ZFHX3: variants seen among roughly 807,000 people sequenced by gnomAD.
ZFHX3 encodes the protein zinc finger homeobox protein 3.
In ZFHX3, 42 loss-of-function variants were observed where a neutral mutation model predicts 279.1. The observed-to-expected ratio is 0.15, with a 90% CI of 0.12 to 0.19. ZFHX3 has a LOEUF of 0.19. ZFHX3 is among the 10% of genes least tolerant of loss of function. ZFHX3 has a pLI of 1.00. For synonymous variants in ZFHX3, 2,293 were observed against 1,957.8 expected (o/e 1.17, Z -4.52); for missense variants, 4,981 against 4,754.0 (o/e 1.05, Z -1.40).
intron 7 of ZFHX3, among the ~76,000 whole-genome samples, chr16:73,105,380 T>TACACACACACAC (rs1966285934): frequency 4.5e-5 from 2 of 44,076 alleles, no homozygotes; most frequent in East Asian, 6.4e-4. Context: ...CATATATATA[T>TACACACACACAC]ATACACACAC....
chr16:73,453,255 T>C (rs1328796573), intron 3 of ZFHX3, among the ~76,000 whole-genome samples: 1 of 152,212 alleles, frequency 6.6e-6, no homozygotes, highest in Non-Finnish European at 1.5e-5. Context: ...TGTAACTAGT[T>C]GATTCCCCAT....
At chr16:73,813,975 TCTC>T (rs1399453280) in intron 1 of ZFHX3, 2 of 152,232 alleles carry the variant, frequency 1.3e-5, no homozygotes, top group African/African-American at 4.8e-5. Context: ...TTTCTTTCAA[TCTC>T]CTGTTATTGG....
Position 73,221,715 on chromosome 16 carries a change from G to A in ZFHX3, c.-1104+35332C>T, listed in dbSNP as rs142466915. ...GAAAGTAAGGTCTGTAGTTTTTCTC[G>A]CCTTCTCAAAGGGATCATGTCCTAA... On this transcript the variant is annotated intron_variant, in intron 5 of 17. Coordinates refer to the ZFHX3 transcript ENST00000641206. Among the ~76,000 whole-genome samples the A allele has an allele frequency of 2.0e-3, 310 of 152,006 alleles. 2 individuals carry two copies. The highest frequency in any genetic ancestry group is 6.8e-3 in the Middle Eastern group (2 of 294).
At chr16:73,832,520 C>T (rs1008834411) in intron 1 of ZFHX3, among the ~76,000 whole-genome samples, 15 of 152,106 alleles carry the variant, frequency 9.9e-5, no homozygotes, top group African/African-American at 3.6e-4. Flanking sequence ...TTATTTTAAG[C>T]AAGATAGGCC....
intron 3 of ZFHX3, among the ~76,000 whole-genome samples, chr16:73,406,818 G>C (rs565306699): frequency 1.3e-5 from 2 of 152,200 alleles, no homozygotes; most frequent in Non-Finnish European, 2.9e-5. Flanking sequence ...AGAACAGAAA[G>C]AAAGAGTTGG....
At chr16:73,203,384 A>G (rs1303498218) in intron 5 of ZFHX3, among the ~76,000 whole-genome samples, 1 of 152,204 alleles carries the variant, frequency 6.6e-6, no homozygotes, top group Non-Finnish European at 1.5e-5. Flanking sequence ...ACATACAGAC[A>G]TTATTTTTTA....
At chr16:73,499,620 G>A (rs1393189369) in intron 2 of ZFHX3, 6 of 152,178 alleles carry the variant, frequency 3.9e-5, no homozygotes, top group Admixed American at 3.9e-4. Context: ...GCAAATTTGA[G>A]AAAACCCAAC....
At chr16:73,864,495 G>C (rs1453748327) in intron 1 of ZFHX3, among the ~76,000 whole-genome samples, 14 of 152,198 alleles carry the variant, frequency 9.2e-5, no homozygotes, top group Non-Finnish European at 1.8e-4. Flanking sequence ...GAGGGAGGAG[G>C]ATCACTTGAG....
At chr16:73,343,402 T>C (rs969342404) in intron 3 of ZFHX3, among the ~76,000 whole-genome samples, 12 of 152,132 alleles carry the variant, frequency 7.9e-5, no homozygotes, top group African/African-American at 1.4e-4. Flanking sequence ...CCTGAACATC[T>C]TGCTCCATAA....
chr16:72,956,355 A>C (rs1961249199), intron 2 of ZFHX3, among the ~76,000 whole-genome samples: 1 of 152,190 alleles, frequency 6.6e-6, no homozygotes, highest in Admixed American at 6.5e-5. Context: ...GGTCCCACGA[A>C]GTCCATTAGC....
rs549297445 is a variant in ZFHX3, at chr16:73,508,396, CT to C, written c.-1546-52139del. Among the ~76,000 whole-genome samples, 1,064 of 152,240 alleles carry C rather than the reference CT, an allele frequency of 7.0e-3. 23 individuals carry two copies. Among genetic ancestry groups the C allele is most frequent in the African/African-American group, 0.025 (1,021 of 41,524 alleles). On this transcript the variant is annotated intron_variant, in intron 2 of 17. Coordinates refer to the ZFHX3 transcript ENST00000641206. ...GAGGAGGAGGAGGAAATGCTTATTT[CT>C]GGAGCAGCAATAAGCATGTTCCAGA...
chr16:72,865,847 GC>G (rs1290403516), intron 4 of ZFHX3, among the ~76,000 whole-genome samples: 1 of 152,152 alleles, frequency 6.6e-6, no homozygotes, highest in Non-Finnish European at 1.5e-5. Flanking sequence ...CGCCACTCAT[GC>G]TCCTTTGAGG....
At chr16:73,596,636 T>A (rs1214850744) in intron 2 of ZFHX3, among the ~76,000 whole-genome samples, 2 of 152,172 alleles carry the variant, frequency 1.3e-5, no homozygotes, top group Non-Finnish European at 2.9e-5. Flanking sequence ...ATTACTCTTT[T>A]CAAAAAGCTT....
intron 4 of ZFHX3, among the ~76,000 whole-genome samples, chr16:73,260,194 T>C (rs1463219127): frequency 6.6e-6 from 1 of 152,196 alleles, no homozygotes; most frequent in Non-Finnish European, 1.5e-5. Flanking sequence ...AGATTCAGGG[T>C]ATGCATTTTT....
At chr16:73,537,876 A>G (rs1195551933) in intron 2 of ZFHX3, among the ~76,000 whole-genome samples, 1 of 152,250 alleles carries the variant, frequency 6.6e-6, no homozygotes, top group Admixed American at 6.5e-5. Context: ...TGGACTATCA[A>G]GCCACAAAGT....
intron 1 of ZFHX3, among the ~76,000 whole-genome samples, chr16:73,813,291 C>A (rs1232655843): frequency 6.6e-6 from 1 of 151,642 alleles, no homozygotes; most frequent in East Asian, 1.9e-4. Flanking sequence ...ACAAAATGCA[C>A]TAATAAGCGA....
intron 5 of ZFHX3, among the ~76,000 whole-genome samples, chr16:73,230,104 T>G (rs1432899322): frequency 6.6e-6 from 1 of 152,182 alleles, no homozygotes; most frequent in Non-Finnish European, 1.5e-5. Flanking sequence ...AATACATGGT[T>G]AGTAAATGAG....
intron 2 of ZFHX3, chr16:73,609,365 T>TTGACCC (rs1201343728): frequency 6.6e-6 from 1 of 152,134 alleles, no homozygotes. Flanking sequence ...ATTCGAATAT[T>TTGACCC]TGACACTTCT....
intron 4 of ZFHX3, among the ~76,000 whole-genome samples, chr16:72,879,847 A>G (rs2038414931): frequency 6.6e-6 from 1 of 152,022 alleles, no homozygotes; most frequent in South Asian, 2.1e-4. Context: ...AGGCACAAGA[A>G]CCTTCCTCCA....
Sources: allele counts gnomAD v4.1 joint callset (sites outside exome capture counted in the v4.1 genomes callset), GRCh38; gene constraint gnomAD v4.1.1; transcripts MANE v1.5; gene names NCBI Gene and HGNC (gene_info 2026-07-23, HGNC 2026-07-21).